The following NLGN1 variants were observed in gnomAD, a reference collection of about 807,000 sequenced individuals.
NLGN1 encodes the protein neuroligin 1.
NLGN1 carries 12 observed loss-of-function variants against 65.5 expected under a neutral mutation model. The ratio of observed to expected loss-of-function variants is 0.18; its 90% CI spans 0.12 to 0.30. The LOEUF (loss-of-function observed/expected upper bound fraction) is 0.30, where lower values mean the gene tolerates loss of function less well. Ranked by LOEUF, NLGN1 falls within the 10% of genes least tolerant of loss-of-function variation. The pLI is 1.00. For missense variants in NLGN1, 750 were observed against 1,007.1 expected (o/e 0.74, Z 3.46); for synonymous variants, 350 against 359.5 (o/e 0.97, Z 0.30).
intron 4 of NLGN1, among the ~76,000 whole-genome samples, chr3:174,101,913 G>A (rs1025159292): frequency 3.9e-5 from 6 of 152,080 alleles, no homozygotes; most frequent in African/African-American, 1.2e-4. Context: ...ATTTCCAATC[G>A]GGAGATCAGG....
At chr3:174,276,596 G>A (rs543047104) in intron 5 of NLGN1, among the ~76,000 whole-genome samples, 1 of 151,908 alleles carries the variant, frequency 6.6e-6, no homozygotes, top group South Asian at 2.1e-4. Flanking sequence ...TATGGTATTT[G>A]TTTTCAGTAT....
intron 3 of NLGN1, among the ~76,000 whole-genome samples, chr3:173,718,453 A>G (rs960252971): frequency 6.6e-6 from 1 of 152,114 alleles, no homozygotes; most frequent in African/African-American, 2.4e-5. Flanking sequence ...AGTTCCATCC[A>G]TGTTGCTGAA....
intron 2 of NLGN1, among the ~76,000 whole-genome samples, chr3:173,558,147 TCTTA>T (rs1323325516): frequency 1.3e-5 from 2 of 152,118 alleles, no homozygotes; most frequent in Non-Finnish European, 2.9e-5. Flanking sequence ...TGCATTGTCT[TCTTA>T]CTTGTATTAT....
In NLGN1 at chr3:173,440,433, T is replaced by C. The variant is rs538600606; in HGVS notation, c.-321+5355T>C. On this transcript the variant is annotated intron_variant, in intron 2 of 6. Transcript: ENST00000457714. ...TTTCCATTTACTTTGCCCAGATCCA[T>C]TAGAGAAATCACTATCTATGGCAGT... 1.1e-4 allele frequency among the ~76,000 whole-genome samples: 16 copies of C among 152,314 alleles called. No homozygotes were observed. In the South Asian group the frequency reaches 3.3e-3, roughly 32 times the overall value.
chr3:174,045,382 C>T (rs1022709531), intron 4 of NLGN1, among the ~76,000 whole-genome samples: 1 of 152,020 alleles, frequency 6.6e-6, no homozygotes, highest in African/African-American at 2.4e-5. Context: ...AAAAGCCCCT[C>T]ATAAAACCAT....
At chr3:173,924,795 G>T (rs1236239906) in intron 4 of NLGN1, among the ~76,000 whole-genome samples, 1 of 151,818 alleles carries the variant, frequency 6.6e-6, no homozygotes, top group African/African-American at 2.4e-5. Flanking sequence ...CTTTTAGAAG[G>T]TATATGGGTA....
intron 4 of NLGN1, among the ~76,000 whole-genome samples, chr3:174,245,438 G>A (rs919575408): frequency 4.1e-4 from 63 of 152,004 alleles, no homozygotes; most frequent in Admixed American, 1.3e-3. Flanking sequence ...ATATTTTACC[G>A]ATAGCTATTT....
intron 4 of NLGN1, among the ~76,000 whole-genome samples, chr3:174,029,426 C>A (rs191601454): frequency 6.6e-6 from 1 of 152,190 alleles, no homozygotes; most frequent in Non-Finnish European, 1.5e-5. Context: ...TGGCCAATTT[C>A]TCCTATTTGG....
intron 4 of NLGN1, among the ~76,000 whole-genome samples, chr3:174,225,685 TGC>T (rs1739522370): frequency 6.6e-6 from 1 of 151,204 alleles, no homozygotes; most frequent in African/African-American, 2.4e-5. Context: ...GAGCGGAGAT[TGC>T]GCCACTGCAC....
At chr3:173,852,489 C>T (rs945436867) in intron 4 of NLGN1, among the ~76,000 whole-genome samples, 1 of 150,542 alleles carries the variant, frequency 6.6e-6, no homozygotes, top group Non-Finnish European at 1.5e-5. Context: ...AGAATAAGTC[C>T]ACATCTTGTG....
At chr3:174,286,384 A>G (rs557134254) in exon 7 of NLGN1, 19 of 151,496 alleles carry the variant, frequency 1.3e-4, no homozygotes, top group Non-Finnish European at 2.5e-4. Flanking sequence ...AACTCAGCAG[A>G]TAAATTTAAA....
intron 4 of NLGN1, among the ~76,000 whole-genome samples, chr3:174,047,156 G>T (rs1733795664): frequency 1.3e-5 from 2 of 151,730 alleles, no homozygotes; most frequent in Non-Finnish European, 1.5e-5. Context: ...TTTATTTGAA[G>T]GTTATAATTT....
Position 173,828,314 on chromosome 3 carries a change from A to G in NLGN1, c.646+20482A>G, listed in dbSNP as rs544608230. On this transcript the variant is annotated intron_variant, in intron 4 of 6. Coordinates refer to ENST00000457714, the Ensembl canonical transcript of NLGN1. ...ATTAATGTTTTTTCATGACTTAAAC[A>G]TTTTTGTGGATTGTTACAAACTAGG... 5.9e-5 allele frequency among the ~76,000 whole-genome samples: 9 copies of G among 152,194 alleles called. No individual in the cohort carries two copies. The East Asian group carries it at 1.7e-3, about 29-fold the overall frequency.
Position 173,874,853 on chromosome 3 carries a change from T to C in NLGN1, c.646+67021T>C, listed in dbSNP as rs560816210. ...CTCTTTGTGACTAGTGGTATGTATT[T>C]GCAAGGAAGTGAAAAGAAGGAAGTA... On this transcript the variant is annotated intron_variant, in intron 4 of 6. Coordinates refer to ENST00000457714, the Ensembl canonical transcript of NLGN1. 1.3e-3 allele frequency among the ~76,000 whole-genome samples: 199 copies of C among 152,296 alleles called. 1 individual carries two copies. Among genetic ancestry groups the C allele is most frequent in the Non-Finnish European group, 2.2e-3 (151 of 68,032 alleles).
At chr3:173,657,459 C>A (rs936549611) in intron 3 of NLGN1, among the ~76,000 whole-genome samples, 10 of 151,878 alleles carry the variant, frequency 6.6e-5, no homozygotes, top group African/African-American at 2.4e-4. Context: ...GTCCCTCCTG[C>A]CCCCTTTGTT....
intron 2 of NLGN1, among the ~76,000 whole-genome samples, chr3:173,448,282 A>G (rs1720771283): frequency 1.3e-5 from 2 of 152,094 alleles, no homozygotes; most frequent in South Asian, 4.1e-4. Context: ...GAGTTGTTGA[A>G]TTTTGTCAAA....
In NLGN1 at chr3:173,554,180, T is replaced by C. The variant is rs143910748; in HGVS notation, c.-320-50099T>C. On this transcript the variant is annotated intron_variant, in intron 2 of 6. Coordinates refer to ENST00000457714, the Ensembl canonical transcript of NLGN1. ...TCTATAAAGCTTCCAGATAGTATAATTAATAAAGTACTAGCAGTTTCCAAA... is the reference window on the plus strand; with the variant it reads ...TCTATAAAGCTTCCAGATAGTATAACTAATAAAGTACTAGCAGTTTCCAAA... 2.6e-3 allele frequency among the ~76,000 whole-genome samples: 393 copies of C among 152,310 alleles called. 1 individual carries two copies. The highest frequency in any genetic ancestry group is 8.6e-3 in the African/African-American group (358 of 41,560).
chr3:173,434,062 A>G (rs73883144), intron 1 of NLGN1, among the ~76,000 whole-genome samples: 4,391 of 152,296 alleles, frequency 0.029, 209 homozygotes, highest in African/African-American at 0.1. Flanking sequence ...TAGAAAATAC[A>G]TGATTATTCA....
At chr3:173,732,145 C>T (rs980239063) in intron 3 of NLGN1, among the ~76,000 whole-genome samples, 2 of 152,026 alleles carry the variant, frequency 1.3e-5, no homozygotes, top group East Asian at 3.9e-4. Context: ...AGTAGGACAT[C>T]TTAGCATAAC....
Sources: gnomAD v4.1 joint callset for allele counts (sites outside exome capture counted in the v4.1 genomes callset) on GRCh38, gnomAD v4.1.1 for gene constraint, MANE v1.5 for transcripts, NCBI Gene and HGNC (gene_info 2026-07-23, HGNC 2026-07-21) for gene names.